RNF130: variants seen among roughly 807,000 people sequenced by gnomAD.
RNF130 encodes E3 ubiquitin-protein ligase RNF130.
Under a neutral mutation model 44.6 loss-of-function variants are expected in RNF130, and 21 were observed. The observed-to-expected ratio is 0.47, with a 90% confidence interval of 0.33 to 0.68. RNF130 has a LOEUF of 0.68. Among genes scored for constraint, RNF130 ranks in the 30% least tolerant of loss-of-function variants. RNF130 has a pLI of 0.02. For synonymous variants in RNF130, 214 were observed against 210.4 expected (o/e 1.02, Z -0.15); for missense variants, 479 against 560.6 (o/e 0.85, Z 1.47).
intron 2 of RNF130, among the ~76,000 whole-genome samples, chr5:180,028,855 C>T (rs547179204): frequency 6.6e-6 from 1 of 152,178 alleles, no homozygotes; most frequent in South Asian, 2.1e-4. Context: ...AAAAAGTATA[C>T]TTAGAAATTT....
At chr5:179,966,781 T>C in intron 7 of RNF130, 25 bp downstream of exon 7, 1 of 1,601,766 alleles carries the variant, frequency 6.2e-7, no homozygotes, top group Admixed American at 1.7e-5. Flanking sequence ...ACATGCCCTG[T>C]GCCTGAGCGG....
intron 7 of RNF130, chr5:179,939,724 G>C (rs1249266287): frequency 4.5e-6 from 2 of 443,306 alleles, no homozygotes; most frequent in African/African-American, 4.3e-5. Flanking sequence ...CCAAAAGACG[G>C]AAATCCACTG....
At chr5:180,064,024 A>G (rs1056137649) in intron 1 of RNF130, among the ~76,000 whole-genome samples, 2 of 152,230 alleles carry the variant, frequency 1.3e-5, no homozygotes, top group Non-Finnish European at 1.5e-5. Flanking sequence ...AGAGCCTGCC[A>G]CAGTGGACTG....
intron 7 of RNF130, among the ~76,000 whole-genome samples, chr5:179,936,291 AG>A (rs1177872243): frequency 6.6e-6 from 1 of 152,164 alleles, no homozygotes; most frequent in Admixed American, 6.5e-5. Flanking sequence ...TTGTAGAGAC[AG>A]GGTCTTGCTA....
At chr5:180,049,336 T>C (rs115756131) in intron 1 of RNF130, among the ~76,000 whole-genome samples, 180 of 152,292 alleles carry the variant, frequency 1.2e-3, no homozygotes, top group Admixed American at 2.0e-3. Flanking sequence ...GCTCTGGGGA[T>C]AGAATTCAGG....
At chr5:180,038,316 A>C (rs1016887553) in intron 2 of RNF130, among the ~76,000 whole-genome samples, 3 of 151,284 alleles carry the variant, frequency 2.0e-5, no homozygotes, top group Non-Finnish European at 4.4e-5. Flanking sequence ...TGGCTTCCCC[A>C]GGCTCAGGGA....
At chr5:179,951,761 C>T (rs1281908999), downstream of RNF130, among the ~76,000 whole-genome samples, 2 of 152,052 alleles carry the variant, frequency 1.3e-5, no homozygotes, top group African/African-American at 2.4e-5. Context: ...AAATCTACAA[C>T]AGAAGGAAAT....
chr5:180,010,427 A>G (rs1763566029), intron 3 of RNF130, among the ~76,000 whole-genome samples: 1 of 151,886 alleles, frequency 6.6e-6, no homozygotes, highest in African/African-American at 2.4e-5. Flanking sequence ...TGGTACGATC[A>G]TGGCTCACTG....
chr5:179,966,774 T>C (rs1341430073), intron 7 of RNF130, 32 bp downstream of exon 7: 2 of 1,582,154 alleles, frequency 1.3e-6, no homozygotes, highest in African/African-American at 1.3e-5. Flanking sequence ...GGCAGCCACA[T>C]GCCCTGTGCC....
chr5:180,019,688 A>C (rs1379943007), intron 2 of RNF130, among the ~76,000 whole-genome samples: 1 of 152,256 alleles, frequency 6.6e-6, no homozygotes, highest in Non-Finnish European at 1.5e-5. Flanking sequence ...AAATGAATAT[A>C]GCAATAATTC....
chr5:180,042,378 A>T (rs1218458457), intron 1 of RNF130, among the ~76,000 whole-genome samples: 2 of 152,186 alleles, frequency 1.3e-5, no homozygotes, highest in Non-Finnish European at 2.9e-5. Flanking sequence ...TACGACCATT[A>T]CCTACCCTTT....
At chr5:180,012,437 G>A (rs947231607) in intron 3 of RNF130, among the ~76,000 whole-genome samples, 1 of 152,118 alleles carries the variant, frequency 6.6e-6, no homozygotes, top group Admixed American at 6.5e-5. Flanking sequence ...GTCACCAACT[G>A]AGGGCCACCA....
At chr5:180,043,300 G>A (rs1433919449) in intron 1 of RNF130, among the ~76,000 whole-genome samples, 1 of 152,168 alleles carries the variant, frequency 6.6e-6, no homozygotes, top group Non-Finnish European at 1.5e-5. Flanking sequence ...ACTCCAGCCT[G>A]GGTGACAGAG....
intron 7 of RNF130, among the ~76,000 whole-genome samples, chr5:179,939,090 A>G (rs1318024275): frequency 1.3e-5 from 2 of 152,082 alleles, no homozygotes; most frequent in African/African-American, 4.8e-5. Context: ...TTAGCCGGGC[A>G]TGTTTAGTCC....
chr5:180,046,135 A>T (rs773899024), intron 1 of RNF130, among the ~76,000 whole-genome samples: 2 of 152,174 alleles, frequency 1.3e-5, no homozygotes, highest in African/African-American at 2.4e-5. Flanking sequence ...CGGCGCGTGC[A>T]GGCCCACAGT....
At chr5:180,047,435 T>G (rs1764590572) in intron 1 of RNF130, among the ~76,000 whole-genome samples, 1 of 152,176 alleles carries the variant, frequency 6.6e-6, no homozygotes, top group Admixed American at 6.5e-5. Context: ...TCATTGGGTG[T>G]TTAGTCTTAT....
chr5:179,944,987 A>G (rs1481440177), intron 7 of RNF130, among the ~76,000 whole-genome samples: 2 of 152,204 alleles, frequency 1.3e-5, no homozygotes, highest in African/African-American at 4.8e-5. Flanking sequence ...GTTGAAAGTT[A>G]TAACTGGGCC....
chr5:179,968,667 TAAA>T (rs35941932), intron 6 of RNF130, among the ~76,000 whole-genome samples: 11 of 68,076 alleles, frequency 1.6e-4, no homozygotes, highest in Non-Finnish European at 1.7e-4. Context: ...CTCTGTCTCA[TAAA>T]AAAAAAAAAA....
At chr5:180,040,408 T>C in intron 2 of RNF130, 45 bp downstream of exon 2, 1 of 1,565,732 alleles carries the variant, frequency 6.4e-7, no homozygotes, top group Non-Finnish European at 8.7e-7. Context: ...AAAGCAATGA[T>C]TTCTAAGAAG....
Sources: allele counts gnomAD v4.1 joint callset (sites outside exome capture counted in the v4.1 genomes callset), GRCh38; gene constraint gnomAD v4.1.1; transcripts MANE v1.5; gene names NCBI Gene and HGNC (gene_info 2026-07-23, HGNC 2026-07-21).